Variants in MUC6 observed in about 807,000 individuals in gnomAD.
The protein encoded by MUC6 is mucin 6, oligomeric mucus/gel-forming (gene/pseudogene), also known as mucin-6.
A neutral mutation model predicts 201.5 loss-of-function variants in MUC6; 188 were observed. The observed-to-expected ratio is 0.93, with a 90% CI of 0.83 to 1.05. The LOEUF is 1.05. MUC6 is among the 50% of genes least tolerant of loss of function. The probability of loss-of-function intolerance (pLI) is 0.00; values close to 1 mark genes in which losing one functional copy is unlikely to be tolerated. For missense variants in MUC6, 2,706 were observed against 3,256.9 expected (o/e 0.83, Z 4.12); for synonymous variants, 1,228 against 1,389.4 (o/e 0.88, Z 2.58).
At position 1,024,933 on chromosome 11, in the gene MUC6, G is replaced by T; in HGVS notation, c.3136C>A (p.Pro1046Thr). The change falls in exon 24 of 33, where the codon CCC becomes ACC. Residue 1046 changes from proline to threonine, a missense_variant. Transcript: ENST00000421673. ...LCGDVSFVTD[P>T]CSLNAFRRSW... ...CGCCGGAAGGCATTGAGACTGCAGG[G>T]GTCTGTCACGAAGCTCACGTCCCCG... 1 of 1,612,976 alleles carries T rather than the reference G, an allele frequency of 6.2e-7. No individual in the cohort carries two copies. Among genetic ancestry groups the T allele is most frequent in the Non-Finnish European group, 8.5e-7 (1 of 1,179,882 alleles).
chr11:1,015,756 A>G lies in MUC6; in HGVS notation c.7039+6T>C, dbSNP rs765625424. The G allele has an allele frequency of 2.0e-6, 3 of 1,527,864 alleles. No homozygotes were observed. Among genetic ancestry groups the G allele is most frequent in the South Asian group, 2.6e-5 (2 of 76,674 alleles). The allele number at this position is 1,527,864 out of a possible 1,614,324, so 94.6% of individuals were successfully genotyped here. A position where few individuals can be genotyped will look rare whatever the true frequency, so the allele number is the denominator to read the frequency against. Reference sequence around the variant, plus strand: ...CCAGGAGAAGGGCCACAGAGATGCCACTTACCGGGTGAGGTGGGCGTAGGT... The same window carrying G: ...CCAGGAGAAGGGCCACAGAGATGCCGCTTACCGGGTGAGGTGGGCGTAGGT... On this transcript the variant is annotated splice_donor_region_variant and intron_variant, in intron 31 of 32. Coordinates refer to ENST00000421673, the MANE Select transcript of MUC6 (RefSeq NM_005961.3).
Position 1,027,007 on chromosome 11 carries a change from G to A in MUC6, c.2328C>T (p.Ser776=). The change falls in exon 19 of 33, where the codon TCC becomes TCT. Residue 776 remains serine, a synonymous_variant. Coordinates refer to ENST00000421673, the MANE Select transcript of MUC6 (RefSeq NM_005961.3). ...APKTFKSCSQ[S]SENKFGAACA... The stretch of plus-strand genomic sequence containing the variant: ...AGGCTGCCCCAAACTTGTTCTCGGA[G>A]GACTGGCTGCAGGACTTGAAGGTCT... 1.2e-6 allele frequency: 2 copies of A among 1,603,098 alleles called. No individual in the cohort carries two copies. The highest frequency in any genetic ancestry group is 1.7e-6 in the Non-Finnish European group (2 of 1,175,634).
At chr11:1,028,166 G>A (rs1857010132) in intron 14 of MUC6, 60 bp downstream of exon 14, 5 of 1,538,762 alleles carry the variant, frequency 3.2e-6, no homozygotes, top group Non-Finnish European at 4.4e-6. Context: ...CAGTCCAGGG[G>A]TCTGTCAGAA....
At position 1,032,101 on chromosome 11, in the gene MUC6, G is replaced by A. The variant is rs771378976; in HGVS notation, c.116-48C>T. Reference sequence around the variant, plus strand: ...ACAGCCCTGTGTCCCCACCATCCTGGCCAGGCAGGGCTGGGGCAGGCAGAG... The same window carrying A: ...ACAGCCCTGTGTCCCCACCATCCTGACCAGGCAGGGCTGGGGCAGGCAGAG... On this transcript the variant is annotated intron_variant, in intron 2 of 32. Coordinates refer to ENST00000421673, the MANE Select transcript of MUC6 (RefSeq NM_005961.3). The A allele has an allele frequency of 5.6e-6, 9 of 1,596,476 alleles. No individual in the cohort carries two copies. In the South Asian group the frequency reaches 7.8e-5, roughly 14 times the overall value.
At chr11:1,030,366 T>TGGCCC in intron 7 of MUC6, 31 bp from the exon 8 acceptor site, 2 of 1,489,552 alleles carry the variant, frequency 1.3e-6, no homozygotes, top group Non-Finnish European at 1.8e-6. Context: ...GGTGAGAGGG[T>TGGCCC]CCCACCCCCC....
intron 32 of MUC6, 37 bp downstream of exon 32, chr11:1,013,862 G>A (rs747636169): frequency 6.4e-7 from 1 of 1,566,384 alleles, no homozygotes; most frequent in Admixed American, 1.8e-5. Context: ...TGAGCACCTT[G>A]GTGGACGTGG....
At chr11:1,032,090 C>T in intron 2 of MUC6, 37 bp from the exon 3 acceptor site, 1 of 1,602,544 alleles carries the variant, frequency 6.2e-7, no homozygotes, top group Non-Finnish European at 8.5e-7. Flanking sequence ...CCCTGTGTCC[C>T]CACCATCCTG....
chr11:1,034,805 C>T (rs909320396), intron 1 of MUC6, among the ~76,000 whole-genome samples: 15 of 152,198 alleles, frequency 9.9e-5, no homozygotes, highest in African/African-American at 3.1e-4. Flanking sequence ...TTCACTGCCC[C>T]GGGTGGGTGC....
At position 1,026,115 on chromosome 11, in the gene MUC6, C is replaced by A; in HGVS notation, c.2573G>T (p.Cys858Phe). The change falls in exon 21 of 33, where the codon TGT (cysteine) becomes TTT (phenylalanine). Residue 858 changes from cysteine (C) to phenylalanine (F), a missense_variant. Around this residue, in one of 10 missense-constraint regions of MUC6, gnomAD observed 1,850 missense variants for 1,958.3 expected, o/e 0.94. Transcript: ENST00000421673. ...TCSCSRGRWA[C>F]QQGTHCPSTC... ...GGATGGGCAGTGGGTGCCCTGCTGA[C>A]AGGCCCACCTCCCCCTTGAGCAGGA... is the stretch of plus-strand genomic sequence containing the variant. 6.3e-7 allele frequency: 1 copy of A among 1,599,830 alleles called. No individual in the cohort carries two copies. Among genetic ancestry groups the A allele is most frequent in the Middle Eastern group, 1.7e-4 (1 of 6,044 alleles).
At position 1,030,786 on chromosome 11, in the gene MUC6, G is replaced by A. The variant is rs1426730555; in HGVS notation, c.685-6C>T. ...AGCTGGGTGCAGATCCGGGCCTGGG[G>A]GGGCCACTCAGGGTCATGGGGGCAA... On this transcript the variant is annotated splice_region_variant and splice_polypyrimidine_tract_variant and intron_variant, in intron 6 of 32. Coordinates refer to ENST00000421673, the MANE Select transcript of MUC6 (RefSeq NM_005961.3). 4 of 1,535,550 alleles carry A rather than the reference G, an allele frequency of 2.6e-6. No individual in the cohort carries two copies. The Admixed American group carries it at 5.9e-5, about 23-fold the overall frequency.
chr11:1,015,626 G>A, intron 31 of MUC6, 136 bp downstream of exon 31: 1 of 1,382,590 alleles, frequency 7.2e-7, no homozygotes, highest in African/African-American at 1.4e-5. Flanking sequence ...CGCCTGGCAG[G>A]TGTGTAGGGA....
At chr11:1,024,335 C>G (rs1255354889) in intron 24 of MUC6, among the ~76,000 whole-genome samples, 1 of 152,222 alleles carries the variant, frequency 6.6e-6, no homozygotes, top group African/African-American at 2.4e-5. Context: ...CCATCGGGAC[C>G]AAGATGCCGC....
chr11:1,035,043 C>T (rs775292601), intron 1 of MUC6, among the ~76,000 whole-genome samples: 7 of 152,256 alleles, frequency 4.6e-5, no homozygotes, highest in Non-Finnish European at 7.3e-5. Flanking sequence ...AGCCCCTGGA[C>T]GAGCACGAGG....
In MUC6 at chr11:1,027,417, G is replaced by A. The variant is rs769814227; in HGVS notation, c.2082C>T (p.Ser694=). The A allele has an allele frequency of 7.9e-5, 128 of 1,612,718 alleles. 1 individual carries two copies. The highest frequency in any genetic ancestry group is 6.6e-4 in the Middle Eastern group (4 of 6,084). The change falls in exon 17 of 33, where the codon AGC becomes AGT. Residue 694 remains serine (S), a synonymous_variant. Coordinates refer to ENST00000421673, the MANE Select transcript of MUC6 (RefSeq NM_005961.3). ...AGTTGCAACCGTCCACGGGCACGGC[G>A]CTGTGGTGGCACTCGGTGGCACGGT... ...LSDRATECHH[S]AVPVDGCNCP...
chr11:1,030,252 A>C lies in MUC6; in HGVS notation c.976T>G (p.Cys326Gly). The C allele has an allele frequency of 6.4e-7, 1 of 1,550,762 alleles. No individual in the cohort carries two copies. Among genetic ancestry groups the C allele is most frequent in the South Asian group, 1.2e-5 (1 of 84,070 alleles). ...VKTCSNPQHSCSSSCTFGCFC... is the reference protein window; with the variant it reads ...VKTCSNPQHSGSSSCTFGCFC... ...CACCCGAAGGTGCAGGAGCTGGAGC[A>C]GCTGTGCTGCGGGTTGGAGCAGGTC... The change falls in exon 8 of 33, where the codon TGC becomes GGC. Residue 326 changes from cysteine (C) to glycine (G), a missense_variant. By Grantham distance (159) the Cys-to-Gly change is radical (BLOSUM62 -3). This residue lies in a region of MUC6 where 1,850 missense variants were observed against 1,958.3 expected (regional missense o/e 0.94). Transcript: ENST00000421673.
intron 1 of MUC6, 28 bp downstream of exon 1, chr11:1,036,576 G>A: frequency 6.5e-7 from 1 of 1,548,638 alleles, no homozygotes. Context: ...GGGCACCGCA[G>A]TGTCTGGCGC....
chr11:1,031,343 C>T, intron 4 of MUC6, 84 bp from the exon 5 acceptor site: 1 of 1,326,222 alleles, frequency 7.5e-7, no homozygotes, highest in African/African-American at 1.5e-5. Context: ...TGCTCCTGGA[C>T]CCAGAGCCCC....
rs575603620 is a variant in MUC6, at chr11:1,032,135, C to T, written c.116-82G>A. 2.5e-4 allele frequency: 382 copies of T among 1,542,588 alleles called. 1 individual carries two copies. The highest frequency in any genetic ancestry group is 3.1e-4 in the Non-Finnish European group (350 of 1,142,994). On this transcript the variant is annotated intron_variant, in intron 2 of 32. Transcript: ENST00000421673. The stretch of plus-strand genomic sequence containing the variant: ...GGCTGGGGCAGGCAGAGAGGTCACT[C>T]GTCTCCCTGGGCCAGGGTTTTTGAG...
Position 1,027,691 on chromosome 11 carries a change from T to C in MUC6, c.1975A>G (p.Asn659Asp), listed in dbSNP as rs746196211. The C allele has an allele frequency of 1.2e-6, 2 of 1,600,320 alleles. No individual in the cohort carries two copies. Among genetic ancestry groups the C allele is most frequent in the Admixed American group, 1.7e-5 (1 of 58,228 alleles). The change falls in exon 16 of 33, where the codon AAC (asparagine) becomes GAC (aspartate). Residue 659 changes from asparagine (N) to aspartate (D), a missense_variant. Around this residue, in one of 10 missense-constraint regions of MUC6, gnomAD observed 1,850 missense variants for 1,958.3 expected, o/e 0.94. Transcript: ENST00000421673. ...LLWGWRSSVD[N>D]CTIPCTGNTT... The stretch of plus-strand genomic sequence containing the variant: ...AGCCCCGTCGGGCACTCACTGCAGT[T>C]GTCCACACTGCTTCTCCAGCCCCAG...
Sources: gnomAD v4.1 joint callset for allele counts (sites outside exome capture counted in the v4.1 genomes callset) on GRCh38, gnomAD v4.1.1 for gene constraint, gnomAD v4.1.1 regional missense constraint, MANE v1.5 for transcripts, NCBI Gene and HGNC (gene_info 2026-07-23, HGNC 2026-07-21) for gene names.